The following FREM1 variants were observed in gnomAD, a reference collection of about 807,000 sequenced individuals.
FREM1 encodes the protein FRAS1 related extracellular matrix 1.
In FREM1, 220 loss-of-function variants were observed where a neutral mutation model predicts 210.1. The observed-to-expected ratio is 1.05, with a 90% CI of 0.94 to 1.17. The LOEUF is 1.17. Among genes scored for constraint, FREM1 ranks in the 50% most tolerant of loss-of-function variants. FREM1 has a pLI of 0.00. For synonymous variants in FREM1, 1,189 were observed against 980.2 expected (o/e 1.21, Z -3.98); for missense variants, 3,454 against 2,675.5 (o/e 1.29, Z -6.42).
intron 1 of FREM1, among the ~76,000 whole-genome samples, chr9:14,877,228 G>A (rs1833930394): frequency 6.6e-6 from 1 of 151,820 alleles, no homozygotes; most frequent in Non-Finnish European, 1.5e-5. Context: ...CCTCTAGCCT[G>A]GACCCTCTTG....
chr9:14,796,150 C>G (rs1037429263), intron 21 of FREM1, among the ~76,000 whole-genome samples: 1 of 152,150 alleles, frequency 6.6e-6, no homozygotes, highest in Non-Finnish European at 1.5e-5. Flanking sequence ...TCATAGGGAA[C>G]AGCAGGATAT....
chr9:14,789,989 T>C (rs909091292), intron 22 of FREM1, among the ~76,000 whole-genome samples: 1 of 152,198 alleles, frequency 6.6e-6, no homozygotes, highest in Non-Finnish European at 1.5e-5. Context: ...TAAAATTTAT[T>C]ATATGATATT....
At chr9:14,907,050 T>A (rs1221230515) in intron 1 of FREM1, among the ~76,000 whole-genome samples, 2 of 152,228 alleles carry the variant, frequency 1.3e-5, no homozygotes, top group Admixed American at 1.3e-4. Flanking sequence ...ATAGGCAGGT[T>A]TAAGGGAGAA....
intron 17 of FREM1, 118 bp downstream of exon 17, chr9:14,807,822 G>C: frequency 1.3e-6 from 1 of 757,260 alleles, no homozygotes; most frequent in Non-Finnish European, 2.1e-6. Context: ...AATTATTGAA[G>C]GACAATTCCA....
chr9:14,756,495 A>G, intron 28 of FREM1, 49 bp from the exon 29 acceptor site: 2 of 1,317,282 alleles, frequency 1.5e-6, no homozygotes, highest in Middle Eastern at 1.8e-4. Context: ...AATATTCTAC[A>G]ATAGAGAAAC....
rs775003874 is a variant in FREM1, at chr9:14,836,960, T to C, written c.1881+4487A>G. Among the ~76,000 whole-genome samples, 2 of 152,216 alleles carry C rather than the reference T, an allele frequency of 1.3e-5. No individual in the cohort carries two copies. The highest frequency in any genetic ancestry group is 1.3e-4 in the Admixed American group (2 of 15,284). The stretch of plus-strand genomic sequence containing the variant: ...GGGTCCTTGGGTAGTTTTCGTCTTT[T>C]AAAGCATATCCGGAAAAGTTTCTTG... On this transcript the variant is annotated intron_variant, in intron 10 of 36. Coordinates refer to ENST00000380880, the MANE Select transcript of FREM1 (RefSeq NM_001379081.2). This position sits in a 1 kb window ranked among gnomAD's most constrained non-coding sequence, Gnocchi z 4.9.
At chr9:14,783,443 C>A (rs1367400731) in intron 24 of FREM1, among the ~76,000 whole-genome samples, 1 of 152,136 alleles carries the variant, frequency 6.6e-6, no homozygotes, top group Non-Finnish European at 1.5e-5. Flanking sequence ...CACCAGGAAC[C>A]AAAAGTGTGG....
At position 14,787,484 on chromosome 9, in the gene FREM1, A is replaced by T. The variant is rs1402594287; in HGVS notation, c.4177+1435T>A. 2.0e-5 allele frequency among the ~76,000 whole-genome samples: 3 copies of T among 152,252 alleles called. No individual in the cohort carries two copies. In the East Asian group the frequency reaches 5.8e-4, roughly 29 times the overall value. The stretch of plus-strand genomic sequence containing the variant: ...TTATTTCCTTTCTTCCTGGGTGCAA[A>T]GCTAAAGTTTCTATTGCCCAGCCTC... On this transcript the variant is annotated intron_variant, in intron 23 of 36. Transcript: ENST00000380880.
chr9:14,825,703 A>T (rs904480276), intron 10 of FREM1, among the ~76,000 whole-genome samples: 1 of 151,556 alleles, frequency 6.6e-6, no homozygotes, highest in Non-Finnish European at 1.5e-5. Flanking sequence ...CCCTATATTC[A>T]GTCATCAATC....
chr9:14,856,888 G>A lies in FREM1; in HGVS notation c.828+665C>T, dbSNP rs114621440. ...CTGTTTCAGCAGGTGCAGTTTCCCC[G>A]GTTTCCCCAATAAACAAATTATAGA... On this transcript the variant is annotated intron_variant, in intron 5 of 36. Coordinates refer to ENST00000380880, the MANE Select transcript of FREM1 (RefSeq NM_001379081.2). 7.6e-3 allele frequency among the ~76,000 whole-genome samples: 1,150 copies of A among 151,234 alleles called. 14 individuals are homozygous for A. The highest frequency in any genetic ancestry group is 0.026 in the African/African-American group (1,083 of 41,176).
chr9:14,816,141 G>A (rs1271362173), intron 15 of FREM1, among the ~76,000 whole-genome samples: 1 of 152,046 alleles, frequency 6.6e-6, no homozygotes, highest in Non-Finnish European at 1.5e-5. Flanking sequence ...ATATTTCTGA[G>A]TTTTATAGTT....
intron 1 of FREM1, among the ~76,000 whole-genome samples, chr9:14,884,002 G>T (rs1835301662): frequency 6.6e-6 from 1 of 152,168 alleles, no homozygotes; most frequent in Non-Finnish European, 1.5e-5. Flanking sequence ...GCCCAGGCAG[G>T]CGGATCACCT....
intron 1 of FREM1, among the ~76,000 whole-genome samples, chr9:14,893,877 T>C (rs554041501): frequency 6.6e-5 from 10 of 152,308 alleles, no homozygotes; most frequent in African/African-American, 1.9e-4. Flanking sequence ...TGTGTGAACA[T>C]ATTGGCTAAA....
In FREM1 at chr9:14,752,867, A is replaced by C. The variant is rs138551651; in HGVS notation, c.5408-2591T>G. Among the ~76,000 whole-genome samples, 343 of 152,260 alleles carry C rather than the reference A, an allele frequency of 2.3e-3. 4 individuals carry two copies. In the South Asian group the frequency reaches 0.024, roughly 11 times the overall value. On this transcript the variant is annotated intron_variant, in intron 29 of 36. Transcript: ENST00000380880. ...GTACCCCCCAAACAAACAAACAAACAAACAAAAAACAAAAAACTTAAGGTT... is the reference window on the plus strand; with the variant it reads ...GTACCCCCCAAACAAACAAACAAACCAACAAAAAACAAAAAACTTAAGGTT...
intron 28 of FREM1, among the ~76,000 whole-genome samples, chr9:14,756,990 C>T (rs1844500666): frequency 6.6e-6 from 1 of 152,160 alleles, no homozygotes; most frequent in Non-Finnish European, 1.5e-5. Context: ...AGCCATTACT[C>T]TTCACAAACA....
chr9:14,873,843 G>C (rs1016651518), intron 1 of FREM1, among the ~76,000 whole-genome samples: 2 of 152,060 alleles, frequency 1.3e-5, no homozygotes, highest in African/African-American at 2.4e-5. Flanking sequence ...TTTTGAATGT[G>C]TCCCAGAGAT....
chr9:14,810,194 G>A (rs1175550572), intron 16 of FREM1, among the ~76,000 whole-genome samples: 1 of 152,040 alleles, frequency 6.6e-6, no homozygotes, highest in African/African-American at 2.4e-5. Context: ...TGTAGGGAGA[G>A]GCAATGGGGG....
chr9:14,805,380 G>C (rs1818178939), intron 18 of FREM1, among the ~76,000 whole-genome samples: 1 of 152,208 alleles, frequency 6.6e-6, no homozygotes, highest in African/African-American at 2.4e-5. Context: ...GAGAACCGAA[G>C]AGTAATACTT....
At chr9:14,893,088 C>T (rs1271640722) in intron 1 of FREM1, among the ~76,000 whole-genome samples, 4 of 152,108 alleles carry the variant, frequency 2.6e-5, no homozygotes, top group Non-Finnish European at 5.9e-5. Context: ...TGCAGCCAGC[C>T]GGGTCAGTAG....
Sources: gnomAD v4.1 joint callset for allele counts (sites outside exome capture counted in the v4.1 genomes callset) on GRCh38, gnomAD v4.1.1 for gene constraint, Gnocchi (gnomAD v3.1) non-coding constraint, MANE v1.5 for transcripts, NCBI Gene and HGNC (gene_info 2026-07-23, HGNC 2026-07-21) for gene names.